The following FNIP1 variants were observed in gnomAD, a reference collection of about 807,000 sequenced individuals.
FNIP1 encodes folliculin-interacting protein 1.
A neutral mutation model predicts 124.5 loss-of-function variants in FNIP1; 40 were observed. That is an observed-to-expected ratio of 0.32 (90% CI 0.25 to 0.42). The LOEUF (loss-of-function observed/expected upper bound fraction) is 0.42. FNIP1 is among the 10% of genes least tolerant of loss of function. FNIP1 has a pLI of 1.00. For synonymous variants in FNIP1, 472 were observed against 470.6 expected, an observed-to-expected ratio of 1.00 and a Z score of -0.04; for missense variants, 1,176 against 1,403.7, an observed-to-expected ratio of 0.84 and a Z score of 2.59.
At chr5:131,728,299 C>T (rs983880651) in intron 3 of FNIP1, among the ~76,000 whole-genome samples, 1 of 152,182 alleles carries the variant, frequency 6.6e-6, no homozygotes, top group Non-Finnish European at 1.5e-5. Flanking sequence ...TTCTCCCTGT[C>T]ACTTTTAGGT....
chr5:131,683,609 A>G (rs1164367387), intron 11 of FNIP1, among the ~76,000 whole-genome samples: 1 of 151,838 alleles, frequency 6.6e-6, no homozygotes, highest in Admixed American at 6.6e-5. Context: ...AATGCAGTGT[A>G]AATACTATGT....
intron 3 of FNIP1, among the ~76,000 whole-genome samples, chr5:131,722,857 T>G (rs544896452): frequency 6.6e-6 from 1 of 152,344 alleles, no homozygotes; most frequent in African/African-American, 2.4e-5. Context: ...AGCTAATTTT[T>G]GTATTTTTAG....
intron 11 of FNIP1, among the ~76,000 whole-genome samples, chr5:131,681,490 A>G (rs1768078002): frequency 6.6e-6 from 1 of 152,150 alleles, no homozygotes; most frequent in Non-Finnish European, 1.5e-5. Context: ...AAACACACAC[A>G]TACTCACCCA....
chr5:131,731,019 T>A lies in FNIP1; in HGVS notation c.239A>T (p.Gln80Leu). Residue 80 changes from glutamine to leucine, a missense_variant, in exon 3 of 18, where the codon CAA becomes CTA. Coordinates refer to ENST00000510461, the MANE Select transcript of FNIP1 (RefSeq NM_133372.3). The part of the protein sequence containing the change: ...ISVSKLGSDA[Q>L]VKVFGKCCQL... The stretch of plus-strand genomic sequence containing the variant: ...GCAGCATTTCCCAAAGACTTTAACT[T>A]GAGCATCACTGCCGAGTTTCTGAAA... 6.2e-7 allele frequency: 1 copy of A among 1,612,660 alleles called. No individual in the cohort carries two copies. The highest frequency in any genetic ancestry group is 8.5e-7 in the Non-Finnish European group (1 of 1,179,368).
intron 1 of FNIP1, among the ~76,000 whole-genome samples, chr5:131,780,488 T>A (rs1001045242): frequency 3.3e-5 from 5 of 152,172 alleles, no homozygotes; most frequent in African/African-American, 1.2e-4. Flanking sequence ...TTTTTATTTT[T>A]ATTTTTTTTA....
At chr5:131,678,555 C>T (rs1767977422) in intron 12 of FNIP1, among the ~76,000 whole-genome samples, 1 of 152,030 alleles carries the variant, frequency 6.6e-6, no homozygotes, top group Non-Finnish European at 1.5e-5. Context: ...CTACAGGCAC[C>T]CGCCACCATG....
Position 131,716,576 on chromosome 5 carries a change from A to C in FNIP1, c.611T>G (p.Leu204Arg). 6.3e-7 allele frequency: 1 copy of C among 1,596,314 alleles called. No individual in the cohort carries two copies. Among genetic ancestry groups the C allele is most frequent in the Non-Finnish European group, 8.5e-7 (1 of 1,169,734 alleles). Residue 204 changes from leucine (L) to arginine (R), a missense_variant, in exon 6 of 18, where the codon CTT (leucine) becomes CGT (arginine). Leu to Arg is a moderately radical substitution (Grantham distance 102). This residue lies in a region of FNIP1 where 1,109 missense variants were observed against 1,288.5 expected (regional missense o/e 0.86). Transcript: ENST00000510461. ...ADNNTVINGL[L>R]GNIGLSQFCS... ...AAGGAACCATTTACCTATATTTCCAAGCAGTCCATTAATAACTGTGTTATT... is the reference window on the plus strand; with the variant it reads ...AAGGAACCATTTACCTATATTTCCACGCAGTCCATTAATAACTGTGTTATT...
chr5:131,673,043 G>GT (rs1308882388), intron 13 of FNIP1, 119 bp from the exon 14 acceptor site: 23 of 611,170 alleles, frequency 3.8e-5, no homozygotes, highest in African/African-American at 7.7e-5. Flanking sequence ...GGTTTTACTC[G>GT]TTTTTTTGTT....
At chr5:131,726,437 T>A (rs1269747078) in intron 3 of FNIP1, among the ~76,000 whole-genome samples, 3 of 152,194 alleles carry the variant, frequency 2.0e-5, no homozygotes, top group Non-Finnish European at 4.4e-5. Context: ...GGTGTATGTG[T>A]CCAGGAATTT....
chr5:131,728,768 G>A (rs951949311), intron 3 of FNIP1, among the ~76,000 whole-genome samples: 2 of 152,110 alleles, frequency 1.3e-5, no homozygotes, highest in Non-Finnish European at 2.9e-5. Flanking sequence ...AGGCATTCTG[G>A]TGTTTGGAAT....
intron 15 of FNIP1, among the ~76,000 whole-genome samples, chr5:131,659,767 C>G (rs1767359158): frequency 6.6e-6 from 1 of 152,184 alleles, no homozygotes; most frequent in African/African-American, 2.4e-5. Context: ...GAGTCATCTT[C>G]TTGTGGTTGG....
At chr5:131,685,422 T>A (rs1768239100) in intron 11 of FNIP1, among the ~76,000 whole-genome samples, 1 of 150,834 alleles carries the variant, frequency 6.6e-6, no homozygotes, top group South Asian at 2.1e-4. Flanking sequence ...AATATCTACT[T>A]CAGGGGAAGC....
At chr5:131,699,914 T>C (rs1451706590) in intron 10 of FNIP1, among the ~76,000 whole-genome samples, 2 of 21,454 alleles carry the variant, frequency 9.3e-5, no homozygotes, top group Admixed American at 6.0e-4. Context: ...GTAAGACTGT[T>C]TCAAAAAAAA....
chr5:131,786,992 G>A (rs1208530395), intron 1 of FNIP1, among the ~76,000 whole-genome samples: 1 of 152,148 alleles, frequency 6.6e-6, no homozygotes, highest in Admixed American at 6.5e-5. Context: ...ACAACTATCA[G>A]AAGGTAGGTA....
chr5:131,716,095 T>C (rs1769458713), intron 6 of FNIP1, among the ~76,000 whole-genome samples: 1 of 152,202 alleles, frequency 6.6e-6, no homozygotes. Flanking sequence ...ATTGTTATTC[T>C]AATAAATCTT....
chr5:131,759,447 T>C (rs7717334), intron 1 of FNIP1, among the ~76,000 whole-genome samples: 15,679 of 151,962 alleles, frequency 0.1, 1,889 homozygotes, highest in African/African-American at 0.3. Flanking sequence ...AGACATGCAC[T>C]GACACTTCTC....
chr5:131,791,751 T>G (rs537745737), intron 1 of FNIP1, among the ~76,000 whole-genome samples: 18 of 152,120 alleles, frequency 1.2e-4, no homozygotes, highest in Non-Finnish European at 2.2e-4. Flanking sequence ...AAAACTACCA[T>G]AAAAAGACAT....
intron 9 of FNIP1, among the ~76,000 whole-genome samples, chr5:131,705,430 T>C (rs1769074061): frequency 6.6e-6 from 1 of 151,980 alleles, no homozygotes; most frequent in Non-Finnish European, 1.5e-5. Flanking sequence ...GCCGGGATTA[T>C]GCCACTGCAC....
chr5:131,695,926 T>G (rs1384362409), intron 11 of FNIP1, among the ~76,000 whole-genome samples: 1 of 152,246 alleles, frequency 6.6e-6, no homozygotes. Context: ...GTAGAACACT[T>G]ACTGAAATAT....
Sources: gnomAD v4.1 joint callset for allele counts (sites outside exome capture counted in the v4.1 genomes callset) on GRCh38, gnomAD v4.1.1 for gene constraint, gnomAD v4.1.1 regional missense constraint, MANE v1.5 for transcripts, NCBI Gene and HGNC (gene_info 2026-07-23, HGNC 2026-07-21) for gene names.